Variants in WIPF3 observed in about 807,000 individuals in gnomAD.
WIPF3 encodes WAS/WASL-interacting protein family member 3.
Under a neutral mutation model 38.9 loss-of-function variants are expected in WIPF3, and 33 were observed. That is an observed-to-expected ratio of 0.85 (90% CI 0.64 to 1.14). WIPF3 has a LOEUF of 1.14. Among genes scored for constraint, WIPF3 ranks in the 50% most tolerant of loss-of-function variants. The pLI is 0.00. For missense variants in WIPF3, 711 were observed against 652.5 expected (o/e 1.09, Z -0.98); for synonymous variants, 324 against 269.3 (o/e 1.20, Z -1.99).
chr7:29,809,622 A>G lies in WIPF3; in HGVS notation c.-58+2944A>G, dbSNP rs376571413. ...CCAGCCGATGCTGGGCAGGGGCAGC[A>G]CACGTGTTTTCTCACTGGCTTCAGC... On this transcript the variant is annotated intron_variant, in intron 1 of 8. Transcript: ENST00000242140. 3.3e-5 allele frequency among the ~76,000 whole-genome samples: 5 copies of G among 152,348 alleles called. No individual in the cohort carries two copies. In the South Asian group the frequency reaches 1.0e-3, roughly 32 times the overall value.
In WIPF3 at chr7:29,806,856, T is replaced by C. The variant is rs1784288250; in HGVS notation, c.-58+178T>C. On this transcript the variant is annotated intron_variant, in intron 1 of 8. Coordinates refer to ENST00000242140, the MANE Select transcript of WIPF3 (RefSeq NM_001080529.3). ...CTGCAGCCCCGGGCCCAGGAGGTTG[T>C]CGACGTGCCGCGCGGCGCTCACGCC... 2.0e-5 allele frequency among the ~76,000 whole-genome samples: 3 copies of C among 150,980 alleles called. No homozygotes were observed. In the South Asian group the frequency reaches 6.3e-4, roughly 31 times the overall value.
chr7:29,914,395 C>T lies in WIPF3; in HGVS notation c.1429-98C>T, dbSNP rs570441637. 56 of 1,024,914 alleles carry T rather than the reference C, an allele frequency of 5.5e-5. 2 individuals are homozygous for T. In the South Asian group the frequency reaches 1.3e-3, roughly 23 times the overall value. 63.5% of individuals were successfully genotyped at this position (1,024,914 alleles called of 1,614,324 possible). On this transcript the variant is annotated intron_variant, in intron 8 of 8. Coordinates refer to ENST00000242140, the MANE Select transcript of WIPF3 (RefSeq NM_001080529.3). ...TTGACAGCCTTGCATGAATGAGAAG[C>T]TTCGGGGCCCAGCCTGTTTGGGGGG...
Position 29,843,988 on chromosome 7 carries a change from T to C in WIPF3, c.90+9174T>C, listed in dbSNP as rs369186179. Among the ~76,000 whole-genome samples the C allele has an allele frequency of 2.2e-4, 33 of 151,658 alleles. 2 individuals carry two copies. The East Asian group carries it at 2.2e-3, about 10-fold the overall frequency. On this transcript the variant is annotated intron_variant, in intron 2 of 8. Transcript: ENST00000242140. ...AAGCCAACACGCCACATCTCTGCAG[T>C]GGAGGGCTGGCTTGGCAGCCAGGAA...
intron 2 of WIPF3, among the ~76,000 whole-genome samples, chr7:29,846,185 C>G (rs145317624): frequency 2.0e-5 from 3 of 152,262 alleles, no homozygotes; most frequent in East Asian, 1.9e-4. Flanking sequence ...TTTGGCACAG[C>G]CTTTCTCATT....
intron 1 of WIPF3, among the ~76,000 whole-genome samples, chr7:29,828,793 T>G (rs1026910732): frequency 2.6e-5 from 4 of 152,112 alleles, no homozygotes; most frequent in Admixed American, 2.0e-4. Context: ...GGGGAAGGAG[T>G]TCCTACTTCT....
At chr7:29,876,784 A>T (rs1419457893) in intron 3 of WIPF3, among the ~76,000 whole-genome samples, 1 of 152,212 alleles carries the variant, frequency 6.6e-6, no homozygotes, top group Admixed American at 6.5e-5. Flanking sequence ...ATATGACTGA[A>T]GCTTGCTGTC....
chr7:29,864,818 C>T (rs1209411812), intron 2 of WIPF3, among the ~76,000 whole-genome samples: 1 of 152,168 alleles, frequency 6.6e-6, no homozygotes, highest in Non-Finnish European at 1.5e-5. Context: ...TAGACGTTCT[C>T]TTGCTCAGAA....
chr7:29,823,684 G>T lies in WIPF3; in HGVS notation c.-57-10984G>T, dbSNP rs1784574314. Among the ~76,000 whole-genome samples, 1 of 152,200 alleles carries T rather than the reference G, an allele frequency of 6.6e-6. No homozygotes were observed. The highest frequency in any genetic ancestry group is 2.4e-5 in the African/African-American group (1 of 41,460). Reference sequence around the variant, plus strand: ...TGTAATCCCCAATGTTGGAGGTGGGGCCTGGTGGCAGGTGATTGGATCGTG... The same window carrying T: ...TGTAATCCCCAATGTTGGAGGTGGGTCCTGGTGGCAGGTGATTGGATCGTG... On this transcript the variant is annotated intron_variant, in intron 1 of 8. Transcript: ENST00000242140. The surrounding 1 kb of genome is among the most constrained non-coding windows in gnomAD (Gnocchi z 4.0).
At chr7:29,862,952 C>T (rs1785321142) in intron 2 of WIPF3, among the ~76,000 whole-genome samples, 1 of 152,152 alleles carries the variant, frequency 6.6e-6, no homozygotes, top group African/African-American at 2.4e-5. Context: ...CATTCTTTCA[C>T]CCTCTGTTTT....
chr7:29,853,491 A>G (rs1354835982), intron 2 of WIPF3, among the ~76,000 whole-genome samples: 1 of 152,214 alleles, frequency 6.6e-6, no homozygotes, highest in Non-Finnish European at 1.5e-5. Flanking sequence ...CCTCCACCAC[A>G]GTGCATCCCC....
intron 2 of WIPF3, among the ~76,000 whole-genome samples, chr7:29,865,779 T>A (rs73686259): frequency 0.039 from 5,876 of 152,270 alleles, 209 homozygotes; most frequent in African/African-American, 0.083. Flanking sequence ...CTGTGAGTCA[T>A]TGTTTCTCTA....
At chr7:29,850,782 T>G (rs1397969431) in intron 2 of WIPF3, among the ~76,000 whole-genome samples, 1 of 152,204 alleles carries the variant, frequency 6.6e-6, no homozygotes, top group Non-Finnish European at 1.5e-5. Context: ...CACACTCACC[T>G]TCCCCATGTG....
intron 2 of WIPF3, among the ~76,000 whole-genome samples, chr7:29,853,807 C>T (rs9691880): frequency 0.27 from 41,417 of 152,076 alleles, 6,427 homozygotes; most frequent in East Asian, 0.53. Flanking sequence ...ATATGAAGAG[C>T]TTAGTAGAGA....
rs567270069 is a variant in WIPF3, at chr7:29,810,937, G to A, written c.-58+4259G>A. Among the ~76,000 whole-genome samples, 6 of 152,164 alleles carry A rather than the reference G, an allele frequency of 3.9e-5. No homozygotes were observed. The East Asian group carries it at 1.2e-3, about 29-fold the overall frequency. On this transcript the variant is annotated intron_variant, in intron 1 of 8. Coordinates refer to ENST00000242140, the MANE Select transcript of WIPF3 (RefSeq NM_001080529.3). Reference sequence around the variant, plus strand: ...AGGGTCTTGCTCTGTTGCCCAAGCTGGAGTGCAGTGGTTTGATCACAGCTC... The same window carrying A: ...AGGGTCTTGCTCTGTTGCCCAAGCTAGAGTGCAGTGGTTTGATCACAGCTC...
intron 2 of WIPF3, among the ~76,000 whole-genome samples, chr7:29,873,889 G>T (rs184097435): frequency 3.9e-4 from 60 of 152,286 alleles, no homozygotes; most frequent in African/African-American, 1.4e-3. Flanking sequence ...CTTCTAGTCT[G>T]TGACACCAGA....
In WIPF3 at chr7:29,888,054, A is replaced by T. The variant is rs1227553726; in HGVS notation, c.1100-14A>T. The T allele has an allele frequency of 6.2e-7, 1 of 1,613,776 alleles. No individual in the cohort carries two copies. On this transcript the variant is annotated splice_polypyrimidine_tract_variant and intron_variant, in intron 5 of 8. Transcript: ENST00000242140. ...CATCCGTGTTTCTGAGTACACCATCATCTTCTCTGTAAGGGGCCGGTGGGG... is the reference window on the plus strand; with the variant it reads ...CATCCGTGTTTCTGAGTACACCATCTTCTTCTCTGTAAGGGGCCGGTGGGG...
intron 5 of WIPF3, among the ~76,000 whole-genome samples, chr7:29,887,307 T>A (rs1785904292): frequency 6.6e-6 from 1 of 152,204 alleles, no homozygotes; most frequent in African/African-American, 2.4e-5. Flanking sequence ...ATAATGTAAT[T>A]GTCATCATTT....
chr7:29,879,765 C>T (rs1583616225), intron 4 of WIPF3, among the ~76,000 whole-genome samples: 1 of 152,328 alleles, frequency 6.6e-6, no homozygotes, highest in Non-Finnish European at 1.5e-5. Flanking sequence ...ACCTCTATCA[C>T]GTGGTCTCTC....
In WIPF3 at chr7:29,881,984, C is replaced by A. The variant is rs552998041; in HGVS notation, c.356-1866C>A. 2.0e-5 allele frequency among the ~76,000 whole-genome samples: 3 copies of A among 152,340 alleles called. No individual in the cohort carries two copies. The South Asian group carries it at 6.2e-4, about 32-fold the overall frequency. On this transcript the variant is annotated intron_variant, in intron 4 of 8. Transcript: ENST00000242140. ...GGAGCTCTCTGTCGGCCCAGGCCTG[C>A]CTCCTCCACTTGCCTGCACTTACAC... is the stretch of plus-strand genomic sequence containing the variant.
Sources: gnomAD v4.1 joint callset for allele counts (sites outside exome capture counted in the v4.1 genomes callset) on GRCh38, gnomAD v4.1.1 for gene constraint, Gnocchi (gnomAD v3.1) non-coding constraint, MANE v1.5 for transcripts, NCBI Gene and HGNC (gene_info 2026-07-23, HGNC 2026-07-21) for gene names.